Variants in PRKN observed in about 807,000 individuals in gnomAD.
The protein encoded by PRKN is E3 ubiquitin-protein ligase parkin.
Under a neutral mutation model 59.5 loss-of-function variants are expected in PRKN, and 56 were observed. The observed-to-expected ratio is 0.94, with a 90% CI of 0.76 to 1.18. PRKN has a LOEUF of 1.18. Ranked by LOEUF, PRKN falls within the 50% of genes most tolerant of loss-of-function variation. The pLI is 0.00. For missense variants in PRKN, 657 were observed against 596.4 expected (o/e 1.10, Z -1.06); for synonymous variants, 250 against 222.1 (o/e 1.13, Z -1.12).
Position 162,069,400 on chromosome 6 carries a change from T to C in PRKN, c.535-15226A>G, listed in dbSNP as rs150975601. Reference sequence around the variant, plus strand: ...CTTTTTGTTCCCAGACTCAGGTATGTCTTTATCAGCAGTGTGAAAATTGAC... The same window carrying C: ...CTTTTTGTTCCCAGACTCAGGTATGCCTTTATCAGCAGTGTGAAAATTGAC... On this transcript the variant is annotated intron_variant, in intron 4 of 11. Transcript: ENST00000366898. Among the ~76,000 whole-genome samples, 653 of 152,292 alleles carry C rather than the reference T, an allele frequency of 4.3e-3. 4 individuals are homozygous for C. Among genetic ancestry groups the C allele is most frequent in the African/African-American group, 0.015 (612 of 41,568 alleles).
chr6:161,678,197 T>TA (rs1393699814), intron 7 of PRKN, among the ~76,000 whole-genome samples: 1 of 144,370 alleles, frequency 6.9e-6, no homozygotes, highest in African/African-American at 2.6e-5. Context: ...GATTTTATGG[T>TA]AATAACAATA....
rs34279714 is a variant in PRKN at position 161,352,771 on chromosome 6, A to ATATATAT, written c.1286-2561_1286-2560insATATATA. Among the ~76,000 whole-genome samples the ATATATAT allele has an allele frequency of 3.4e-5, 4 of 116,898 alleles. No homozygotes were observed. The highest frequency in any genetic ancestry group is 2.5e-4 in the South Asian group (1 of 4,004). The allele number at this position is 116,898 out of a possible 152,430, so 76.7% of individuals were successfully genotyped here. A position where few individuals can be genotyped will look rare whatever the true frequency, so the allele number is the denominator to read the frequency against. ...TGTGTGTGTGTATATATATATATAT[A>ATATATAT]TTTTATTTTATTTTATTTTATTTTT... On this transcript the variant is annotated intron_variant, in intron 11 of 11. Transcript: ENST00000366898. The surrounding 1 kb of genome is among the most constrained non-coding windows in gnomAD (Gnocchi z 5.8).
intron 7 of PRKN, among the ~76,000 whole-genome samples, chr6:161,746,147 G>A (rs1329527648): frequency 2.0e-5 from 3 of 152,322 alleles, no homozygotes; most frequent in Admixed American, 2.0e-4. Flanking sequence ...ATAAGGGCCT[G>A]GGTGCCCGAG....
At chr6:162,012,616 G>C (rs908318246) in intron 5 of PRKN, among the ~76,000 whole-genome samples, 2 of 152,030 alleles carry the variant, frequency 1.3e-5, no homozygotes, top group Admixed American at 1.3e-4. Context: ...ATAGAATGCT[G>C]TTACCTTATT....
At chr6:162,337,752 G>C (rs1783909603) in intron 2 of PRKN, among the ~76,000 whole-genome samples, 2 of 152,218 alleles carry the variant, frequency 1.3e-5, no homozygotes, top group African/African-American at 4.8e-5. Context: ...AGTCATTTAT[G>C]AAAGAGACAT....
intron 7 of PRKN, among the ~76,000 whole-genome samples, chr6:161,656,318 G>T (rs929820864): frequency 2.0e-5 from 3 of 152,278 alleles, no homozygotes; most frequent in Non-Finnish European, 2.9e-5. Context: ...TCACACTTCT[G>T]TTCCTCCCCG....
intron 1 of PRKN, among the ~76,000 whole-genome samples, chr6:162,724,238 A>G (rs1779040167): frequency 6.6e-6 from 1 of 152,212 alleles, no homozygotes; most frequent in Non-Finnish European, 1.5e-5. Context: ...ATTCTGCTTT[A>G]TATCATCTTG....
intron 6 of PRKN, among the ~76,000 whole-genome samples, chr6:161,889,445 C>T (rs1002641409): frequency 3.9e-5 from 6 of 152,288 alleles, no homozygotes; most frequent in Admixed American, 6.5e-5. Flanking sequence ...GAACAACGGG[C>T]GCACAGCATC....
rs1441622344 is a variant in PRKN at position 161,527,104 on chromosome 6, A to G, written c.1083+21750T>C. On this transcript the variant is annotated intron_variant, in intron 9 of 11. Transcript: ENST00000366898. This position sits in a 1 kb window ranked among gnomAD's most constrained non-coding sequence, Gnocchi z 4.6. ...CTGTCTGGGTAAGGTATCACCTCCA[A>G]TCTTACCTCCTGTGATAAGATCTTC... Among the ~76,000 whole-genome samples, 2 of 152,186 alleles carry G rather than the reference A, an allele frequency of 1.3e-5. No individual in the cohort carries two copies. The highest frequency in any genetic ancestry group is 2.9e-5 in the Non-Finnish European group (2 of 68,026).
At chr6:162,425,211 C>A (rs566335852) in intron 2 of PRKN, among the ~76,000 whole-genome samples, 1 of 152,210 alleles carries the variant, frequency 6.6e-6, no homozygotes, top group East Asian at 1.9e-4. Flanking sequence ...CCATTTTTCA[C>A]AACGCTGAAA....
chr6:162,080,900 G>T (rs1278749406), intron 4 of PRKN, among the ~76,000 whole-genome samples: 2 of 152,056 alleles, frequency 1.3e-5, no homozygotes, highest in African/African-American at 4.8e-5. Context: ...TTTATTTCAT[G>T]TCTGAAATCC....
chr6:162,079,030 C>T (rs1778951011), intron 4 of PRKN, among the ~76,000 whole-genome samples: 1 of 152,004 alleles, frequency 6.6e-6, no homozygotes, highest in Non-Finnish European at 1.5e-5. Flanking sequence ...AACTCATAAG[C>T]GGTGACAGCT....
intron 10 of PRKN, among the ~76,000 whole-genome samples, chr6:161,382,761 C>T (rs1483723887): frequency 1.3e-5 from 2 of 152,146 alleles, no homozygotes; most frequent in Non-Finnish European, 2.9e-5. Context: ...CAATTTAAAG[C>T]CAATTTTTGA....
intron 2 of PRKN, among the ~76,000 whole-genome samples, chr6:162,423,541 A>G (rs185810632): frequency 6.6e-6 from 1 of 152,324 alleles, no homozygotes; most frequent in Admixed American, 6.5e-5. Flanking sequence ...ACACACAATG[A>G]CAGGGAGTAG....
At position 161,353,447 on chromosome 6, in the gene PRKN, A is replaced by G. The variant is rs927298920; in HGVS notation, c.1286-3236T>C. Among the ~76,000 whole-genome samples the G allele has an allele frequency of 1.3e-5, 2 of 152,054 alleles. No individual in the cohort carries two copies. The highest frequency in any genetic ancestry group is 2.9e-5 in the Non-Finnish European group (2 of 68,004). On this transcript the variant is annotated intron_variant, in intron 11 of 11. Coordinates refer to ENST00000366898, the MANE Select transcript of PRKN (RefSeq NM_004562.3). This position sits in a 1 kb window ranked among gnomAD's most constrained non-coding sequence, Gnocchi z 4.8. ...CCACCGCATTTCAACACGGCTGTCC[A>G]TGCTTCCATCGTGCCTATCCCAGGA...
chr6:161,809,846 C>A (rs542973784), intron 6 of PRKN, among the ~76,000 whole-genome samples: 21 of 152,276 alleles, frequency 1.4e-4, no homozygotes, highest in Middle Eastern at 3.4e-3. Flanking sequence ...AAACTGGCTT[C>A]AAATTATTAA....
chr6:162,684,866 G>A (rs1416696211), intron 1 of PRKN, among the ~76,000 whole-genome samples: 1 of 152,054 alleles, frequency 6.6e-6, no homozygotes, highest in Non-Finnish European at 1.5e-5. Flanking sequence ...ACAAATAAGG[G>A]AATAAGTATT....
chr6:162,101,435 G>A (rs144786358), intron 4 of PRKN, among the ~76,000 whole-genome samples: 1,547 of 151,850 alleles, frequency 0.01, 26 homozygotes, highest in African/African-American at 0.036. Flanking sequence ...TTGGGAGGCC[G>A]AGTCGGGCGG....
At chr6:162,246,928 G>A (rs1779222962) in intron 3 of PRKN, among the ~76,000 whole-genome samples, 1 of 152,076 alleles carries the variant, frequency 6.6e-6, no homozygotes, top group South Asian at 2.1e-4. Flanking sequence ...TCTTCAGACA[G>A]CTAGGTAATT....
Sources: allele counts gnomAD v4.1 joint callset (sites outside exome capture counted in the v4.1 genomes callset), GRCh38; gene constraint gnomAD v4.1.1; non-coding constraint Gnocchi (gnomAD v3.1); transcripts MANE v1.5; gene names NCBI Gene and HGNC (gene_info 2026-07-23, HGNC 2026-07-21).